Variants in GRAP2 observed in about 807,000 individuals in gnomAD.
The protein encoded by GRAP2 is GRB2-related adapter protein 2.
A neutral mutation model predicts 43.5 loss-of-function variants in GRAP2; 31 were observed. The ratio of observed to expected loss-of-function variants is 0.71; its 90% CI spans 0.54 to 0.96. GRAP2 has a LOEUF of 0.96. GRAP2 is among the 40% of genes least tolerant of loss of function. The pLI is 0.00. For synonymous variants in GRAP2, 156 were observed against 164.8 expected, an observed-to-expected ratio of 0.95 and a Z score of 0.41; for missense variants, 371 against 424.4, an observed-to-expected ratio of 0.87 and a Z score of 1.11.
intron 1 of GRAP2, among the ~76,000 whole-genome samples, chr22:39,915,875 G>A (rs137972): frequency 0.46 from 69,825 of 151,954 alleles, 17,214 homozygotes; most frequent in East Asian, 0.67. Flanking sequence ...GGAGGGGCAC[G>A]GACGCTTCCA....
intron 1 of GRAP2, among the ~76,000 whole-genome samples, chr22:39,907,293 G>GA (rs1221225112): frequency 6.6e-6 from 1 of 151,828 alleles, no homozygotes; most frequent in African/African-American, 2.4e-5. Context: ...CCCCAATGGG[G>GA]AAAAAAAACC....
At chr22:39,907,039 G>A (rs573580724) in intron 1 of GRAP2, among the ~76,000 whole-genome samples, 4 of 152,052 alleles carry the variant, frequency 2.6e-5, no homozygotes, top group African/African-American at 9.7e-5. Flanking sequence ...GCTCTCCTCC[G>A]CTAAATAGAT....
chr22:39,914,435 T>C (rs2066588727), intron 1 of GRAP2, among the ~76,000 whole-genome samples: 1 of 151,982 alleles, frequency 6.6e-6, no homozygotes, highest in Admixed American at 6.6e-5. Context: ...AAAACTAGGA[T>C]AAATGCATTT....
Position 39,947,101 on chromosome 22 carries a change from T to TA in GRAP2, c.-5dup. 3.8e-6 allele frequency: 6 copies of TA among 1,574,472 alleles called. No homozygotes were observed. The highest frequency in any genetic ancestry group is 5.2e-6 in the Non-Finnish European group (6 of 1,143,686). On this transcript the variant is annotated 5_prime_UTR_variant, in exon 2 of 8. Transcript: ENST00000344138. ...CATTATTTCTCTTCCAGCTTCACGT[T>TA]ACAGCATGGAAGCTGTTGCCAAGTT...
At chr22:39,919,725 C>T (rs1487857122) in intron 1 of GRAP2, among the ~76,000 whole-genome samples, 1 of 152,218 alleles carries the variant, frequency 6.6e-6, no homozygotes, top group Non-Finnish European at 1.5e-5. Flanking sequence ...CTTCTATCTC[C>T]TTCAATATTT....
At chr22:39,952,997 C>T (rs866563284) in intron 2 of GRAP2, among the ~76,000 whole-genome samples, 20 of 152,168 alleles carry the variant, frequency 1.3e-4, no homozygotes, top group African/African-American at 4.6e-4. Flanking sequence ...CAGGTCTTCT[C>T]GTTCCCAACT....
At chr22:39,937,246 G>C (rs978582762) in intron 1 of GRAP2, among the ~76,000 whole-genome samples, 47 of 152,204 alleles carry the variant, frequency 3.1e-4, no homozygotes, top group Admixed American at 2.4e-3. Context: ...GGCACAGTCT[G>C]GGTGGTGTGT....
the GRAP2 span, among the ~76,000 whole-genome samples, chr22:39,894,333 C>T: frequency 6.9e-5 from 10 of 144,864 alleles, no homozygotes; most frequent in South Asian, 2.2e-4. Flanking sequence ...AACCAAACAC[C>T]GCATATTCTC....
intron 1 of GRAP2, among the ~76,000 whole-genome samples, chr22:39,936,556 T>A (rs2066808378): frequency 6.6e-6 from 1 of 152,106 alleles, no homozygotes; most frequent in Non-Finnish European, 1.5e-5. Context: ...TCTAACTGGA[T>A]TCATGGTAAG....
chr22:39,894,459 C>T, the GRAP2 span, among the ~76,000 whole-genome samples: 39 of 151,556 alleles, frequency 2.6e-4, no homozygotes, highest in African/African-American at 9.2e-4. Flanking sequence ...GGAGATATAC[C>T]TAATGCTAGA....
At chr22:39,928,831 G>A (rs1036703657) in intron 1 of GRAP2, among the ~76,000 whole-genome samples, 6 of 152,198 alleles carry the variant, frequency 3.9e-5, no homozygotes, top group Non-Finnish European at 7.3e-5. Flanking sequence ...CAACAGAGCT[G>A]TCTGTTCATC....
rs35783963 is a variant in GRAP2 at position 39,968,485 on chromosome 22, T to TCA, written c.690+229_690+230dup. 2,196 of 526,160 alleles carry TCA rather than the reference T, an allele frequency of 4.2e-3. 14 individuals carry two copies. The highest frequency in any genetic ancestry group is 0.011 in the South Asian group (445 of 39,592). The allele number at this position is 526,160 out of a possible 1,614,324, so 32.6% of individuals were successfully genotyped here. A position where few individuals can be genotyped will look rare whatever the true frequency, so the allele number is the denominator to read the frequency against. On this transcript the variant is annotated intron_variant, in intron 6 of 7. Coordinates refer to ENST00000344138, the MANE Select transcript of GRAP2 (RefSeq NM_004810.4). The stretch of plus-strand genomic sequence containing the variant: ...CACACACACACACACACACACTGTC[T>TCA]CACACACACACACACACTTAAACTC...
Position 39,970,979 on chromosome 22 carries a change from G to C in GRAP2, c.888G>C (p.Glu296Asp). 6.2e-7 allele frequency: 1 copy of C among 1,613,700 alleles called. No individual in the cohort carries two copies. Among genetic ancestry groups the C allele is most frequent in the Non-Finnish European group, 8.5e-7 (1 of 1,179,800 alleles). Residue 296 changes from glutamate to aspartate, a missense_variant, in exon 8 of 8, where the codon GAG becomes GAC. Transcript: ENST00000344138. ...EDDELGFHSG[E>D]VVEVLDSSNP... is the part of the protein sequence containing the mutation. ...ACGAGCTGGGGTTCCACAGCGGGGA[G>C]GTGGTGGAGGTCCTGGATAGCTCCA...
At chr22:39,970,850 C>T in intron 7 of GRAP2, 55 bp from the exon 8 acceptor site, 1 of 1,451,182 alleles carries the variant, frequency 6.9e-7, no homozygotes, top group Admixed American at 2.3e-5. Flanking sequence ...GCAGACCCTC[C>T]CCTGCCTGCC....
intron 1 of GRAP2, among the ~76,000 whole-genome samples, chr22:39,907,063 T>C (rs951781797): frequency 6.6e-6 from 1 of 152,224 alleles, no homozygotes; most frequent in Non-Finnish European, 1.5e-5. Context: ...TTTGAAAATA[T>C]AGATCATTAA....
intron 1 of GRAP2, among the ~76,000 whole-genome samples, chr22:39,925,266 C>T (rs1229855647): frequency 6.6e-6 from 1 of 152,184 alleles, no homozygotes; most frequent in Non-Finnish European, 1.5e-5. Context: ...GAGACCCTGA[C>T]CCAGGCTGGG....
chr22:39,912,529 G>A lies in GRAP2; in HGVS notation c.-15+11199G>A, dbSNP rs749218693. Among the ~76,000 whole-genome samples, 4 of 152,324 alleles carry A rather than the reference G, an allele frequency of 2.6e-5. No individual in the cohort carries two copies. The South Asian group carries it at 8.3e-4, about 32-fold the overall frequency. On this transcript the variant is annotated intron_variant, in intron 1 of 7. Coordinates refer to ENST00000344138, the MANE Select transcript of GRAP2 (RefSeq NM_004810.4). ...CAGGAAACATTTTTTGTCACAGTTT[G>A]CAGGGAGAGGTCCTACTGGTGGGTA...
chr22:39,936,719 G>T (rs138379679), intron 1 of GRAP2, among the ~76,000 whole-genome samples: 2 of 151,972 alleles, frequency 1.3e-5, no homozygotes, highest in Non-Finnish European at 2.9e-5. Context: ...ACAGGGTGGT[G>T]GGGGGGACCG....
At chr22:39,916,979 T>C (rs2066608537) in intron 1 of GRAP2, among the ~76,000 whole-genome samples, 1 of 152,240 alleles carries the variant, frequency 6.6e-6, no homozygotes, top group South Asian at 2.1e-4. Context: ...GTGATGCACT[T>C]CTAAACTAAA....
Sources: allele counts gnomAD v4.1 joint callset (sites outside exome capture counted in the v4.1 genomes callset), GRCh38; gene constraint gnomAD v4.1.1; transcripts MANE v1.5; gene names NCBI Gene and HGNC (gene_info 2026-07-23, HGNC 2026-07-21).